The following ALOXE3 variants were observed in gnomAD, a reference collection of about 807,000 sequenced individuals.
ALOXE3 encodes the protein arachidonate epidermal lipoxygenase 3.
A neutral mutation model predicts 87.5 loss-of-function variants in ALOXE3; 78 were observed. The observed-to-expected ratio is 0.89, with a 90% CI of 0.74 to 1.08. The LOEUF (loss-of-function observed/expected upper bound fraction) is 1.08, where lower values mean the gene tolerates loss of function less well. ALOXE3 is among the 50% of genes least tolerant of loss of function. The probability of loss-of-function intolerance (pLI) is 0.00; values close to 1 mark genes in which losing one functional copy is unlikely to be tolerated. For synonymous variants in ALOXE3, 363 were observed against 370.8 expected, an observed-to-expected ratio of 0.98 and a Z score of 0.24; for missense variants, 946 against 912.4, an observed-to-expected ratio of 1.04 and a Z score of -0.47.
At chr17:8,102,470 G>A (rs778229386) in intron 15 of ALOXE3, among the ~76,000 whole-genome samples, 7 of 152,142 alleles carry the variant, frequency 4.6e-5, no homozygotes, top group African/African-American at 2.4e-5. Flanking sequence ...TCCAGCCTGG[G>A]TGACAGAGCA....
chr17:8,113,231 T>C (rs756604778), intron 6 of ALOXE3, among the ~76,000 whole-genome samples: 1 of 152,146 alleles, frequency 6.6e-6, no homozygotes, highest in Non-Finnish European at 1.5e-5. Context: ...TCCCACATTG[T>C]ATTGTAAGCC....
At chr17:8,109,375 C>G in intron 11 of ALOXE3, 32 bp from the exon 12 acceptor site, 1 of 1,608,552 alleles carries the variant, frequency 6.2e-7, no homozygotes, top group Non-Finnish European at 8.5e-7. Context: ...GCTCCCGGGC[C>G]GGCCCAATCC....
rs1424644082 is a variant in ALOXE3, at chr17:8,109,277, T to A, written c.1459A>T (p.Thr487Ser). 1.2e-6 allele frequency: 2 copies of A among 1,613,858 alleles called. No homozygotes were observed. Among genetic ancestry groups the A allele is most frequent in the African/African-American group, 2.7e-5 (2 of 74,888 alleles). Residue 487 changes from threonine (T) to serine (S), a missense_variant, in exon 12 of 16, where the codon ACC (threonine) becomes TCC (serine). Transcript: ENST00000448843. The part of the protein sequence containing the change: ...MSTGLAHFTY[T>S]NFCLPDSLRA... ...AGGCTGTCCGGAAGGCAGAAATTGG[T>A]GTAGGTGAAGTGGGCCAGGCCCGTG... is the stretch of plus-strand genomic sequence containing the variant.
chr17:8,113,760 C>T (rs1011870903), intron 6 of ALOXE3, among the ~76,000 whole-genome samples: 2 of 152,086 alleles, frequency 1.3e-5, no homozygotes, highest in East Asian at 3.9e-4. Flanking sequence ...GGCGTGGTGG[C>T]TCATGCCTGT....
intron 15 of ALOXE3, among the ~76,000 whole-genome samples, chr17:8,099,591 G>A (rs892122665): frequency 4.0e-5 from 6 of 151,566 alleles, no homozygotes; most frequent in Non-Finnish European, 8.8e-5. Context: ...AACCCGGGAG[G>A]CAGAGGTTGC....
chr17:8,109,683 C>A (rs997477972), intron 11 of ALOXE3, among the ~76,000 whole-genome samples: 2 of 2,692 alleles, frequency 7.4e-4, no homozygotes, highest in African/African-American at 2.0e-3. Flanking sequence ...GGGCGGTGGG[C>A]GGGGGCGGTG....
intron 4 of ALOXE3, 45 bp from the exon 5 acceptor site, chr17:8,115,102 A>G (rs1296626451): frequency 8.7e-6 from 14 of 1,612,668 alleles, no homozygotes; most frequent in Non-Finnish European, 1.1e-5. Context: ...TGCTCGGGAT[A>G]AACACAAGTC....
intron 6 of ALOXE3, among the ~76,000 whole-genome samples, chr17:8,113,481 C>T (rs564761871): frequency 1.1e-4 from 16 of 152,040 alleles, no homozygotes; most frequent in African/African-American, 2.4e-4. Context: ...GGTGAAACCC[C>T]GTCTCTACTA....
chr17:8,113,856 A>G lies in ALOXE3; in HGVS notation c.680+628T>C, dbSNP rs112496952. Among the ~76,000 whole-genome samples, 115 of 151,418 alleles carry G rather than the reference A, an allele frequency of 7.6e-4. 1 individual carries two copies. The highest frequency in any genetic ancestry group is 3.5e-3 in the Middle Eastern group (1 of 284). ...AGCCTAACCAACATGAAGAAACCCC[A>G]TCTCTACTAAAAATACAAAATTAGC... On this transcript the variant is annotated intron_variant, in intron 6 of 15. Coordinates refer to ENST00000448843, the MANE Select transcript of ALOXE3 (RefSeq NM_021628.3).
In ALOXE3 at chr17:8,118,126, A is replaced by T. The variant is rs1245913627; in HGVS notation, c.-136T>A. Reference sequence around the variant, plus strand: ...GCTGCGGGGCTGGGTAGGGCTGAGGATGGGCCCAGCTCTCTCTGGGATGTT... The same window carrying T: ...GCTGCGGGGCTGGGTAGGGCTGAGGTTGGGCCCAGCTCTCTCTGGGATGTT... On this transcript the variant is annotated 5_prime_UTR_variant, in exon 2 of 16. Transcript: ENST00000448843. 6.4e-7 allele frequency: 1 copy of T among 1,551,662 alleles called. No individual in the cohort carries two copies. The highest frequency in any genetic ancestry group is 2.0e-5 in the Admixed American group (1 of 51,016).
Position 8,096,636 on chromosome 17 carries a change from G to T in ALOXE3, c.2127C>A (p.Val709=). ...YLDPPLIENS[V]SI ...TGGTATTTGGGGGTGGTTAGATGGA[G>T]ACGCTGTTCTCAATGAGGGGAGGGT... is the stretch of plus-strand genomic sequence containing the variant. The change falls in exon 16 of 16, where the codon GTC becomes GTA. Residue 709 remains valine, a synonymous_variant. Transcript: ENST00000448843. 1.5e-6 allele frequency: 2 copies of T among 1,369,350 alleles called. No homozygotes were observed. Among genetic ancestry groups the T allele is most frequent in the Non-Finnish European group, 2.1e-6 (2 of 956,888 alleles). 84.8% of individuals were successfully genotyped at this position (1,369,350 alleles called of 1,614,324 possible). A position where few individuals can be genotyped will look rare whatever the true frequency, so the allele number is the denominator to read the frequency against.
intron 15 of ALOXE3, among the ~76,000 whole-genome samples, chr17:8,101,744 C>A (rs766556914): frequency 2.0e-5 from 3 of 151,870 alleles, no homozygotes; most frequent in Non-Finnish European, 4.4e-5. Flanking sequence ...CTCAAGTGAT[C>A]CTCCCACTTT....
intron 6 of ALOXE3, among the ~76,000 whole-genome samples, chr17:8,113,980 G>A (rs914783299): frequency 4.6e-5 from 7 of 151,274 alleles, no homozygotes; most frequent in South Asian, 2.1e-4. Context: ...AGCCGAGATC[G>A]CGGCACTGCA....
chr17:8,115,518 T>A, intron 4 of ALOXE3, 89 bp downstream of exon 4: 1 of 1,379,612 alleles, frequency 7.2e-7, no homozygotes, highest in Non-Finnish European at 1.0e-6. Context: ...GCACCCAAGG[T>A]TGAGAATGAG....
chr17:8,111,378 C>T lies in ALOXE3; in HGVS notation c.938G>A (p.Cys313Tyr), dbSNP rs376413265. The change falls in exon 8 of 16, where the codon TGC becomes TAC. Residue 313 changes from cysteine (C) to tyrosine (Y), a missense_variant. Transcript: ENST00000448843. ...ACCCACCTCTAGCTCTGTCTGCAGG[C>T]ATGTGTCCTGTCCCAGCAAGGGGGC... ...MVAPLLGQDT[C>Y]LQTELERGNI... 28 of 1,613,378 alleles carry T rather than the reference C, an allele frequency of 1.7e-5. No homozygotes were observed. The highest frequency in any genetic ancestry group is 5.0e-5 in the Admixed American group (3 of 60,004).
chr17:8,118,486 C>T lies in ALOXE3; in HGVS notation c.-314G>A, dbSNP rs1980816275. On this transcript the variant is annotated splice_region_variant and 5_prime_UTR_variant, in exon 1 of 16. The change creates a new upstream start codon in the 5' untranslated region. Coordinates refer to ENST00000448843, the MANE Select transcript of ALOXE3 (RefSeq NM_021628.3). The stretch of plus-strand genomic sequence containing the variant: ...CCAGGCAGAGATGAGCACAGGGCAC[C>T]TGCATTCCTACGTGTGAATCATCCG... 1 of 1,545,364 alleles carries T rather than the reference C, an allele frequency of 6.5e-7. No homozygotes were observed. Among genetic ancestry groups the T allele is most frequent in the African/African-American group, 1.4e-5 (1 of 73,044 alleles).
chr17:8,108,057 A>AAGAAAGAG (rs1979659555), intron 13 of ALOXE3, among the ~76,000 whole-genome samples: 2 of 149,530 alleles, frequency 1.3e-5, no homozygotes, highest in East Asian at 2.0e-4. Context: ...GAAAGAAAGA[A>AAGAAAGAG]AGAAAGAAAG....
chr17:8,116,837 G>A lies in ALOXE3; in HGVS notation c.291C>T (p.Ser97=), dbSNP rs1344433759. 6.2e-7 allele frequency: 1 copy of A among 1,614,220 alleles called. No homozygotes were observed. Residue 97 remains serine (S), a synonymous_variant, in exon 3 of 16, where the codon TCC becomes TCT. Coordinates refer to ENST00000448843, the MANE Select transcript of ALOXE3 (RefSeq NM_021628.3). ...ICVTEPDGSV[S]HFPCYQWIEG... ...CAATCCACTGATAGCAGGGGAAGTGGGATACACTACCATCCGGTTCGGTGA... is the reference window on the plus strand; with the variant it reads ...CAATCCACTGATAGCAGGGGAAGTGAGATACACTACCATCCGGTTCGGTGA...
chr17:8,118,149 G>A lies in ALOXE3; in HGVS notation c.-159C>T. ...GGATGGGCCCAGCTCTCTCTGGGAT[G>A]TTCCTGGGCTTTCTCTCTCCGAAGC... On this transcript the variant is annotated 5_prime_UTR_variant, in exon 2 of 16. Coordinates refer to ENST00000448843, the MANE Select transcript of ALOXE3 (RefSeq NM_021628.3). 1 of 1,551,502 alleles carries A rather than the reference G, an allele frequency of 6.4e-7. No individual in the cohort carries two copies. The highest frequency in any genetic ancestry group is 8.7e-7 in the Non-Finnish European group (1 of 1,147,022).
Sources: gnomAD v4.1 joint callset for allele counts (sites outside exome capture counted in the v4.1 genomes callset) on GRCh38, gnomAD v4.1.1 for gene constraint, MANE v1.5 for transcripts, NCBI Gene and HGNC (gene_info 2026-07-23, HGNC 2026-07-21) for gene names.